The following CACNA2D1 variants were observed in gnomAD, a reference collection of about 807,000 sequenced individuals.
CACNA2D1 encodes the protein voltage-dependent calcium channel subunit alpha-2/delta-1.
In CACNA2D1, 53 loss-of-function variants were observed where a neutral mutation model predicts 171.5. The observed-to-expected ratio is 0.31, with a 90% CI of 0.25 to 0.39. The LOEUF is 0.39. Ranked by LOEUF, CACNA2D1 falls within the 10% of genes least tolerant of loss-of-function variation. The pLI, the probability that CACNA2D1 is intolerant of heterozygous loss-of-function variation, is 1.00. For synonymous variants in CACNA2D1, 442 were observed against 443.1 expected (o/e 1.00, Z 0.03); for missense variants, 903 against 1,299.8 (o/e 0.69, Z 4.69).
chr7:81,990,773 A>G (rs2130736031), intron 21 of CACNA2D1, among the ~76,000 whole-genome samples: 1 of 152,220 alleles, frequency 6.6e-6, no homozygotes, highest in South Asian at 2.1e-4. Flanking sequence ...TAGAACTGAT[A>G]CTCATGGAGG....
chr7:81,977,691 ATAAC>A (rs1331370094), intron 24 of CACNA2D1, among the ~76,000 whole-genome samples: 1 of 152,224 alleles, frequency 6.6e-6, no homozygotes, highest in Non-Finnish European at 1.5e-5. Flanking sequence ...CAAAGCCTTC[ATAAC>A]TAAAACACCA....
rs528254412 is a variant in CACNA2D1, at chr7:82,014,005, A to G, written c.1222+396T>C. Among the ~76,000 whole-genome samples, 18 of 152,152 alleles carry G rather than the reference A, an allele frequency of 1.2e-4. No homozygotes were observed. The South Asian group carries it at 2.1e-3, about 18-fold the overall frequency. ...AAATATTTGAATTATCCTGGAATGT[A>G]TAAGGTAATATTTTTCAAAAACAGT... On this transcript the variant is annotated intron_variant, in intron 13 of 38. Transcript: ENST00000356860.
At chr7:82,342,632 A>G (rs575590826) in intron 2 of CACNA2D1, among the ~76,000 whole-genome samples, 1 of 152,354 alleles carries the variant, frequency 6.6e-6, no homozygotes, top group Admixed American at 6.5e-5. Flanking sequence ...GAGGAAGAAT[A>G]TGAGTGTTCC....
At chr7:81,951,008 G>A (rs1213249083) in intron 38 of CACNA2D1, among the ~76,000 whole-genome samples, 1 of 151,928 alleles carries the variant, frequency 6.6e-6, no homozygotes, top group African/African-American at 2.4e-5. Flanking sequence ...ATAGCATCTG[G>A]ACCTTCATCA....
At chr7:82,241,654 G>A (rs1804302356) in intron 3 of CACNA2D1, among the ~76,000 whole-genome samples, 1 of 152,060 alleles carries the variant, frequency 6.6e-6, no homozygotes, top group African/African-American at 2.4e-5. Context: ...AGCAGAGGGG[G>A]GAGGAAGAGA....
intron 3 of CACNA2D1, among the ~76,000 whole-genome samples, chr7:82,180,187 C>T (rs1010399384): frequency 1.3e-5 from 2 of 152,096 alleles, no homozygotes; most frequent in South Asian, 4.1e-4. Flanking sequence ...CCCTCCAGAG[C>T]GAGGGCAGAT....
At chr7:82,321,942 C>G (rs1321023766) in intron 3 of CACNA2D1, among the ~76,000 whole-genome samples, 2 of 150,382 alleles carry the variant, frequency 1.3e-5, no homozygotes, top group African/African-American at 4.9e-5. Context: ...CCGGCTAAAA[C>G]GGTGAAACCC....
intron 6 of CACNA2D1, among the ~76,000 whole-genome samples, chr7:82,094,849 G>C (rs1016480189): frequency 6.6e-6 from 1 of 151,568 alleles, no homozygotes; most frequent in African/African-American, 2.4e-5. Context: ...AGCTATCCTC[G>C]TTTCTGCTCC....
At chr7:82,060,810 T>C (rs1325234832) in intron 9 of CACNA2D1, among the ~76,000 whole-genome samples, 1 of 152,022 alleles carries the variant, frequency 6.6e-6, no homozygotes. Flanking sequence ...TGGATACTGA[T>C]GGTATAGTCA....
At chr7:82,266,657 CA>C (rs1807897491) in intron 3 of CACNA2D1, among the ~76,000 whole-genome samples, 1 of 151,974 alleles carries the variant, frequency 6.6e-6, no homozygotes, top group Non-Finnish European at 1.5e-5. Flanking sequence ...GGCAGGATTA[CA>C]GGTACCTATC....
intron 5 of CACNA2D1, among the ~76,000 whole-genome samples, chr7:82,131,769 T>C (rs1237147565): frequency 6.6e-6 from 1 of 152,172 alleles, no homozygotes; most frequent in African/African-American, 2.4e-5. Flanking sequence ...TAAACTAGCA[T>C]GTATAAAAGT....
chr7:82,178,856 C>A lies in CACNA2D1; in HGVS notation c.295-8247G>T, dbSNP rs112121740. ...CGTTCATCCAGTGCAGGAAGCAGTT[C>A]TTTCACATCTGCGCACCTCCAGTAT... On this transcript the variant is annotated intron_variant, in intron 3 of 38. Transcript: ENST00000356860. 1.1e-3 allele frequency among the ~76,000 whole-genome samples: 164 copies of A among 152,204 alleles called. 3 individuals carry two copies. In the South Asian group the frequency reaches 0.015, roughly 14 times the overall value.
chr7:81,955,858 T>C (rs993108041), intron 38 of CACNA2D1, among the ~76,000 whole-genome samples: 5 of 128,418 alleles, frequency 3.9e-5, no homozygotes, highest in African/African-American at 1.5e-4. Flanking sequence ...GATAGATTTA[T>C]AATTATAGTT....
At chr7:82,083,603 T>C (rs1320509179) in intron 7 of CACNA2D1, among the ~76,000 whole-genome samples, 1 of 151,578 alleles carries the variant, frequency 6.6e-6, no homozygotes, top group African/African-American at 2.4e-5. Context: ...TCCCATCAGA[T>C]AATAATACAA....
chr7:82,073,498 TC>T (rs1276839189), intron 7 of CACNA2D1, among the ~76,000 whole-genome samples: 1 of 152,196 alleles, frequency 6.6e-6, no homozygotes, highest in Admixed American at 6.5e-5. Flanking sequence ...AAGGTAAAAT[TC>T]ACTATCTATT....
chr7:82,231,080 G>A (rs1339210845), intron 3 of CACNA2D1, among the ~76,000 whole-genome samples: 1 of 152,208 alleles, frequency 6.6e-6, no homozygotes, highest in African/African-American at 2.4e-5. Flanking sequence ...TATGACACTT[G>A]ATAAAATTCA....
At chr7:82,409,498 T>G (rs1260669265) in intron 1 of CACNA2D1, among the ~76,000 whole-genome samples, 2 of 152,180 alleles carry the variant, frequency 1.3e-5, no homozygotes, top group African/African-American at 4.8e-5. Flanking sequence ...GTTCTCCTAT[T>G]CAGTGATTCT....
chr7:82,437,325 G>A (rs1418731286), intron 1 of CACNA2D1, among the ~76,000 whole-genome samples: 2 of 151,896 alleles, frequency 1.3e-5, no homozygotes, highest in South Asian at 4.2e-4. Flanking sequence ...CCACCATAGC[G>A]TATTTTTAAT....
At chr7:82,317,645 T>C (rs1815284163) in intron 3 of CACNA2D1, among the ~76,000 whole-genome samples, 1 of 152,056 alleles carries the variant, frequency 6.6e-6, no homozygotes, top group Admixed American at 6.6e-5. Context: ...GCAATTGGTG[T>C]GAAATGTCAA....
Sources: allele counts gnomAD v4.1 joint callset (sites outside exome capture counted in the v4.1 genomes callset), GRCh38; gene constraint gnomAD v4.1.1; transcripts MANE v1.5; gene names NCBI Gene and HGNC (gene_info 2026-07-23, HGNC 2026-07-21).